Variants in CEMIP observed in about 807,000 individuals in gnomAD.
CEMIP encodes cell migration inducing hyaluronidase 1.
Under a neutral mutation model 156.9 loss-of-function variants are expected in CEMIP, and 105 were observed. That is an observed-to-expected ratio of 0.67 (90% CI 0.57 to 0.79). The LOEUF is 0.79. CEMIP is among the 30% of genes least tolerant of loss of function. The pLI is 0.00. For synonymous variants in CEMIP, 676 were observed against 668.4 expected, an observed-to-expected ratio of 1.01 and a Z score of -0.17; for missense variants, 1,457 against 1,769.4, an observed-to-expected ratio of 0.82 and a Z score of 3.17.
chr15:80,936,225 T>C (rs1901115633), intron 23 of CEMIP, among the ~76,000 whole-genome samples: 1 of 152,190 alleles, frequency 6.6e-6, no homozygotes. Flanking sequence ...GAGGGAGAAG[T>C]AGGCCAACAC....
At chr15:80,813,404 C>T (rs1313039397) in intron 1 of CEMIP, among the ~76,000 whole-genome samples, 1 of 135,366 alleles carries the variant, frequency 7.4e-6, no homozygotes, top group African/African-American at 2.7e-5. Flanking sequence ...GGTTGGAGTG[C>T]AGTGGCATGA....
At chr15:80,788,741 C>T (rs2141571590) in intron 1 of CEMIP, among the ~76,000 whole-genome samples, 1 of 152,164 alleles carries the variant, frequency 6.6e-6, no homozygotes, top group Admixed American at 6.5e-5. Context: ...GCATGTTACT[C>T]AGCAAAAGGT....
At position 80,949,540 on chromosome 15, in the gene CEMIP, C is replaced by G. The variant is rs1369854423; in HGVS notation, c.*616C>G. 7 of 166,786 alleles carry G rather than the reference C, an allele frequency of 4.2e-5. No individual in the cohort carries two copies. Among genetic ancestry groups the G allele is most frequent in the Admixed American group, 3.8e-4 (7 of 18,272 alleles). The allele number at this position is 166,786 out of a possible 1,614,324, so 10.3% of individuals were successfully genotyped here. On this transcript the variant is annotated 3_prime_UTR_variant, in exon 30 of 30. Coordinates refer to ENST00000394685, the MANE Select transcript of CEMIP (RefSeq NM_001293298.2). The stretch of plus-strand genomic sequence containing the variant: ...GTTTGGACTTGGACTAGATGACTCT[C>G]AAAGGCCCTTTTAGTTCTGAGATTC...
Position 80,937,688 on chromosome 15 carries a change from G to T in CEMIP, c.3222-106G>T, listed in dbSNP as rs1901181069. The T allele has an allele frequency of 3.1e-6, 3 of 972,874 alleles. No homozygotes were observed. The South Asian group carries it at 4.0e-5, about 13-fold the overall frequency. 60.3% of individuals were successfully genotyped at this position (972,874 alleles called of 1,614,324 possible). On this transcript the variant is annotated intron_variant, in intron 24 of 29. Transcript: ENST00000394685. ...TCAAAATTTCCCATACAAAAGTGGA[G>T]GTGTCATTTGGTGGAGATTTTTTGG...
chr15:80,862,161 C>T (rs1214323757), intron 1 of CEMIP, among the ~76,000 whole-genome samples: 1 of 152,200 alleles, frequency 6.6e-6, no homozygotes, highest in Non-Finnish European at 1.5e-5. Context: ...TTGTCTTTGA[C>T]GTCAGGTGGC....
At position 80,890,561 on chromosome 15, in the gene CEMIP, T is replaced by C. The variant is rs528839137; in HGVS notation, c.1086+969T>C. 4.2e-4 allele frequency among the ~76,000 whole-genome samples: 63 copies of C among 148,894 alleles called. 1 individual carries two copies. The highest frequency in any genetic ancestry group is 1.4e-3 in the African/African-American group (56 of 40,106). ...GAGATCGCACCACTGTACTCCAGCC[T>C]GGGTGACCGAGCAAGACTCTGACTC... On this transcript the variant is annotated intron_variant, in intron 10 of 29. Coordinates refer to ENST00000394685, the MANE Select transcript of CEMIP (RefSeq NM_001293298.2).
rs750940891 is a variant in CEMIP, at chr15:80,906,849, C to T, written c.1587+11C>T. ...GGGGGCCACATCAAGGTATGTGTCT[C>T]TCTGGCAGAGTCTTTCAACCCAACC... On this transcript the variant is annotated intron_variant, in intron 13 of 29. Transcript: ENST00000394685. The surrounding 1 kb of genome is among the most constrained non-coding windows in gnomAD (Gnocchi z 4.3). 1.2e-6 allele frequency: 2 copies of T among 1,606,726 alleles called. No homozygotes were observed. Among genetic ancestry groups the T allele is most frequent in the Non-Finnish European group, 1.7e-6 (2 of 1,176,208 alleles).
rs769033641 is a variant in CEMIP, at chr15:80,932,002, A to G, written c.2756A>G (p.His919Arg). 1.2e-6 allele frequency: 2 copies of G among 1,614,118 alleles called. No homozygotes were observed. Among genetic ancestry groups the G allele is most frequent in the Non-Finnish European group, 8.5e-7 (1 of 1,180,038 alleles). ...RLNNAWQSCP[H>R]NNVTGIAFED... ...AATAATGCCTGGCAGAGCTGCCCCC[A>G]TAACAACGTGACCGGCATTGCCTTT... The change falls in exon 22 of 30, where the codon CAT becomes CGT. Residue 919 changes from histidine to arginine, a missense_variant. Around this residue, in one of 5 missense-constraint regions of CEMIP, gnomAD observed 798 missense variants for 980.1 expected, o/e 0.81. Coordinates refer to ENST00000394685, the MANE Select transcript of CEMIP (RefSeq NM_001293298.2). This position sits in a 1 kb window ranked among gnomAD's most constrained non-coding sequence, Gnocchi z 4.5.
chr15:80,876,372 C>T (rs780036061), intron 3 of CEMIP, among the ~76,000 whole-genome samples: 8 of 152,184 alleles, frequency 5.3e-5, no homozygotes, highest in Admixed American at 1.3e-4. Context: ...CCACCACTGG[C>T]GACTCTGCTC....
intron 1 of CEMIP, among the ~76,000 whole-genome samples, chr15:80,857,914 G>T (rs921505717): frequency 6.6e-6 from 1 of 152,158 alleles, no homozygotes; most frequent in Non-Finnish European, 1.5e-5. Context: ...GGACCTGAGG[G>T]TGAGTGGAGT....
chr15:80,908,693 C>G (rs1463883650), intron 13 of CEMIP, among the ~76,000 whole-genome samples: 2 of 152,274 alleles, frequency 1.3e-5, no homozygotes, highest in South Asian at 4.1e-4. Flanking sequence ...CTCCATACTT[C>G]ACTGTAACCT....
Position 80,929,043 on chromosome 15 carries a change from C to T in CEMIP, c.2481C>T (p.Asp827=), listed in dbSNP as rs1219177090. The T allele has an allele frequency of 3.7e-6, 6 of 1,614,122 alleles. No homozygotes were observed. The highest frequency in any genetic ancestry group is 5.1e-6 in the Non-Finnish European group (6 of 1,180,022). The change falls in exon 21 of 30, where the codon GAC becomes GAT. Residue 827 remains aspartate, a synonymous_variant. Coordinates refer to ENST00000394685, the MANE Select transcript of CEMIP (RefSeq NM_001293298.2). The part of the protein sequence containing the change: ...LASGGTFPYD[D]GSKQEIKNSL... ...GTGGTGGAACCTTCCCGTATGACGA[C>T]GGCTCCAAGCAAGAGATAAAGAACA...
intron 1 of CEMIP, among the ~76,000 whole-genome samples, chr15:80,803,752 C>G (rs764906773): frequency 2.6e-5 from 4 of 152,216 alleles, no homozygotes; most frequent in African/African-American, 4.8e-5. Flanking sequence ...TGTCTGAGCT[C>G]AAGTCTGTCT....
At chr15:80,943,384 C>T (rs1166955405) in intron 28 of CEMIP, among the ~76,000 whole-genome samples, 1 of 152,238 alleles carries the variant, frequency 6.6e-6, no homozygotes, top group Non-Finnish European at 1.5e-5. Flanking sequence ...ACACTCCCAG[C>T]ATGATCTCAT....
chr15:80,780,401 C>T (rs1484021603), intron 1 of CEMIP, among the ~76,000 whole-genome samples: 1 of 152,168 alleles, frequency 6.6e-6, no homozygotes, highest in Non-Finnish European at 1.5e-5. Context: ...GGAACGAAGG[C>T]CAGTGACATT....
At chr15:80,816,805 C>G (rs1336051926) in intron 1 of CEMIP, among the ~76,000 whole-genome samples, 1 of 151,742 alleles carries the variant, frequency 6.6e-6, no homozygotes, top group Non-Finnish European at 1.5e-5. Context: ...GCTCCAAGCC[C>G]AGTAATGAGC....
intron 1 of CEMIP, among the ~76,000 whole-genome samples, chr15:80,819,785 T>C (rs1284604616): frequency 2.6e-5 from 4 of 152,240 alleles, no homozygotes; most frequent in Non-Finnish European, 4.4e-5. Context: ...GTATTTCTTA[T>C]ACATTATGAC....
At position 80,881,148 on chromosome 15, in the gene CEMIP, C is replaced by T. The variant is rs1482773052; in HGVS notation, c.617+12C>T. 2 of 1,609,284 alleles carry T rather than the reference C, an allele frequency of 1.2e-6. No homozygotes were observed. The highest frequency in any genetic ancestry group is 2.2e-5 in the South Asian group (2 of 90,946). On this transcript the variant is annotated intron_variant, in intron 6 of 29. Coordinates refer to ENST00000394685, the MANE Select transcript of CEMIP (RefSeq NM_001293298.2). ...ATCCATTCTGACCGGTAAGGTTTGC[C>T]TTCACTTAAACGTATACTCATTCAT... is the stretch of plus-strand genomic sequence containing the variant.
chr15:80,915,581 G>A (rs1206587848), intron 14 of CEMIP, among the ~76,000 whole-genome samples: 2 of 152,038 alleles, frequency 1.3e-5, no homozygotes, highest in Non-Finnish European at 2.9e-5. Context: ...AGGGAGAGGG[G>A]GTACATTACA....
Sources: allele counts gnomAD v4.1 joint callset (sites outside exome capture counted in the v4.1 genomes callset), GRCh38; gene constraint gnomAD v4.1.1; regional missense constraint gnomAD v4.1.1; non-coding constraint Gnocchi (gnomAD v3.1); transcripts MANE v1.5; gene names NCBI Gene and HGNC (gene_info 2026-07-23, HGNC 2026-07-21).